ANO6: variants seen among roughly 807,000 people sequenced by gnomAD.
The protein encoded by ANO6 is anoctamin 6, also known as anoctamin-6.
A neutral mutation model predicts 117.5 loss-of-function variants in ANO6; 106 were observed. The ratio of observed to expected loss-of-function variants is 0.90; its 90% CI spans 0.77 to 1.06. The LOEUF (loss-of-function observed/expected upper bound fraction) is 1.06. Ranked by LOEUF, ANO6 falls within the 50% of genes least tolerant of loss-of-function variation. The pLI is 0.00. For missense variants in ANO6, 955 were observed against 1,121.1 expected (o/e 0.85, Z 2.12); for synonymous variants, 367 against 385.1 (o/e 0.95, Z 0.55).
chr12:45,216,722 G>A (rs1315655692), intron 1 of ANO6, among the ~76,000 whole-genome samples: 2 of 152,250 alleles, frequency 1.3e-5, no homozygotes, highest in Non-Finnish European at 1.5e-5. Context: ...TCACTTCCCC[G>A]ACTCGCAGAG....
intron 3 of ANO6, among the ~76,000 whole-genome samples, chr12:45,336,368 A>G (rs1940825375): frequency 6.6e-6 from 1 of 152,064 alleles, no homozygotes; most frequent in South Asian, 2.1e-4. Context: ...TTAATATACA[A>G]TGTGTACTTT....
intron 8 of ANO6, among the ~76,000 whole-genome samples, 162 bp downstream of exon 8, chr12:45,357,586 G>C (rs1170955365): frequency 6.6e-6 from 1 of 152,124 alleles, no homozygotes; most frequent in Non-Finnish European, 1.5e-5. Flanking sequence ...TGAGTGAAAT[G>C]GAAAAATTTT....
chr12:45,410,478 CTCAGTT>C (rs1943059906), intron 16 of ANO6, among the ~76,000 whole-genome samples: 1 of 152,220 alleles, frequency 6.6e-6, no homozygotes, highest in South Asian at 2.1e-4. Context: ...ATTTTGACCT[CTCAGTT>C]GCCTTTAAAC....
intron 1 of ANO6, among the ~76,000 whole-genome samples, chr12:45,288,814 C>T (rs950454454): frequency 2.0e-5 from 3 of 152,140 alleles, no homozygotes; most frequent in African/African-American, 4.8e-5. Flanking sequence ...GTGGCACTAT[C>T]GCAGCTCACT....
Position 45,315,537 on chromosome 12 carries a change from C to T in ANO6, c.150+13444C>T, listed in dbSNP as rs560250000. Among the ~76,000 whole-genome samples the T allele has an allele frequency of 1.6e-4, 24 of 152,110 alleles. No individual in the cohort carries two copies. In the South Asian group the frequency reaches 5.0e-3, roughly 32 times the overall value. On this transcript the variant is annotated intron_variant, in intron 2 of 19. Transcript: ENST00000320560. ...CTATGTCACCCAAGCACTTCCTATC[C>T]GTTAGATTCCTCAGAGCTGAGCCCC...
intron 1 of ANO6, among the ~76,000 whole-genome samples, chr12:45,247,420 G>T (rs12578314): frequency 0.014 from 2,206 of 152,224 alleles, 45 homozygotes; most frequent in East Asian, 0.068. Flanking sequence ...CCCATTTTTG[G>T]TTGCTAAGAT....
At chr12:45,365,772 A>G (rs916386833) in intron 8 of ANO6, among the ~76,000 whole-genome samples, 1 of 152,206 alleles carries the variant, frequency 6.6e-6, no homozygotes, top group Non-Finnish European at 1.5e-5. Flanking sequence ...ATAGAGATTT[A>G]GCCAGTTTTC....
intron 1 of ANO6, among the ~76,000 whole-genome samples, chr12:45,287,060 G>A (rs1489406960): frequency 1.3e-5 from 2 of 152,136 alleles, no homozygotes; most frequent in Non-Finnish European, 2.9e-5. Flanking sequence ...CCATGAACAA[G>A]GTGAGATCTC....
chr12:45,220,417 T>A (rs1198302041), intron 1 of ANO6, among the ~76,000 whole-genome samples: 2 of 152,116 alleles, frequency 1.3e-5, no homozygotes, highest in African/African-American at 4.8e-5. Flanking sequence ...AGACTTATCT[T>A]CCCACACCCA....
intron 1 of ANO6, among the ~76,000 whole-genome samples, chr12:45,269,271 G>A (rs1350468074): frequency 2.0e-5 from 3 of 152,176 alleles, no homozygotes; most frequent in Non-Finnish European, 4.4e-5. Context: ...GACCCCTGGA[G>A]AGTTCATTTT....
At chr12:45,367,923 CA>C in intron 9 of ANO6, 130 bp downstream of exon 9, 1 of 706,006 alleles carries the variant, frequency 1.4e-6, no homozygotes, top group Non-Finnish European at 2.5e-6. Flanking sequence ...ACCTTTCAAA[CA>C]TTCTGGACAT....
chr12:45,270,113 C>T (rs1821144323), intron 1 of ANO6, among the ~76,000 whole-genome samples: 2 of 152,196 alleles, frequency 1.3e-5, no homozygotes, highest in Non-Finnish European at 2.9e-5. Context: ...GAGAGCTCAT[C>T]TCATCCAGTG....
intron 1 of ANO6, among the ~76,000 whole-genome samples, chr12:45,241,718 A>T (rs1385823715): frequency 6.6e-6 from 1 of 152,038 alleles, no homozygotes. Context: ...GATGTTGGTG[A>T]CCTACAGATG....
At chr12:45,434,823 G>A (rs970671291), downstream of ANO6, among the ~76,000 whole-genome samples, 3 of 152,168 alleles carry the variant, frequency 2.0e-5, no homozygotes, top group African/African-American at 4.8e-5. Context: ...CATTGGTGGT[G>A]GTGGGGCAAA....
rs114974285 is a variant in ANO6, at chr12:45,389,288, C to T, written c.1308+985C>T. Among the ~76,000 whole-genome samples the T allele has an allele frequency of 2.6e-3, 403 of 152,196 alleles. 3 individuals are homozygous for T. The highest frequency in any genetic ancestry group is 9.2e-3 in the African/African-American group (382 of 41,526). Reference sequence around the variant, plus strand: ...GCAATGTAAAAGCTTCAAATAATCCCCATTATGAATAGTTCCTGCTGTTTA... The same window carrying T: ...GCAATGTAAAAGCTTCAAATAATCCTCATTATGAATAGTTCCTGCTGTTTA... On this transcript the variant is annotated intron_variant, in intron 11 of 19. Transcript: ENST00000320560.
At chr12:45,247,922 T>C (rs1947849688) in intron 1 of ANO6, among the ~76,000 whole-genome samples, 1 of 152,230 alleles carries the variant, frequency 6.6e-6, no homozygotes, top group African/African-American at 2.4e-5. Context: ...CATCTAGTTA[T>C]AGATATAAGC....
intron 10 of ANO6, among the ~76,000 whole-genome samples, chr12:45,381,221 T>C (rs576658720): frequency 1.3e-5 from 2 of 152,342 alleles, no homozygotes; most frequent in African/African-American, 4.8e-5. Context: ...CATATTTTGT[T>C]TAGATACAGT....
intron 1 of ANO6, among the ~76,000 whole-genome samples, chr12:45,285,771 T>C (rs1232873814): frequency 6.6e-6 from 1 of 151,594 alleles, no homozygotes; most frequent in African/African-American, 2.4e-5. Flanking sequence ...TCCCAAGTAA[T>C]TGTGTGGAGC....
At chr12:45,375,090 A>C (rs1389038796) in intron 9 of ANO6, among the ~76,000 whole-genome samples, 1 of 152,092 alleles carries the variant, frequency 6.6e-6, no homozygotes, top group Non-Finnish European at 1.5e-5. Flanking sequence ...ATCATGAGTG[A>C]ACTCCCATTC....
Sources: gnomAD v4.1 joint callset for allele counts (sites outside exome capture counted in the v4.1 genomes callset) on GRCh38, gnomAD v4.1.1 for gene constraint, MANE v1.5 for transcripts, NCBI Gene and HGNC (gene_info 2026-07-23, HGNC 2026-07-21) for gene names.